The following GOLM2 variants were observed in gnomAD, a reference collection of about 807,000 sequenced individuals.
The protein encoded by GOLM2 is golgi membrane protein 2, also known as protein GOLM2.
In GOLM2, 26 loss-of-function variants were observed where a neutral mutation model predicts 55.9. The observed-to-expected ratio is 0.47, with a 90% confidence interval of 0.34 to 0.65. The LOEUF (loss-of-function observed/expected upper bound fraction) is 0.65. GOLM2 is among the 30% of genes least tolerant of loss of function. The pLI is 0.01. For synonymous variants in GOLM2, 165 were observed against 194.6 expected, an observed-to-expected ratio of 0.85 and a Z score of 1.27; for missense variants, 486 against 531.8, an observed-to-expected ratio of 0.91 and a Z score of 0.85.
chr15:44,288,864 G>A lies in GOLM2; in HGVS notation c.-166G>A. ...AGGAGGGGGGCGGGGAGGGACCTGC[G>A]GCTTGCGGCCCCGCCCCCTTCTCCG... On this transcript the variant is annotated 5_prime_UTR_variant, in exon 1 of 10. Coordinates refer to ENST00000299957, the MANE Select transcript of GOLM2 (RefSeq NM_138423.4). 1.6e-6 allele frequency: 1 copy of A among 626,384 alleles called. No homozygotes were observed. The highest frequency in any genetic ancestry group is 2.0e-5 in the South Asian group (1 of 50,204). The allele number at this position is 626,384 out of a possible 1,614,324, so 38.8% of individuals were successfully genotyped here.
rs537446393 is a variant in GOLM2 at position 44,413,302 on chromosome 15, A to T, written c.1241-34A>T. On this transcript the variant is annotated intron_variant, in intron 9 of 9. Transcript: ENST00000299957. ...TTGGATTTCTGCAGTGATTTAAAAAATAATATGTTGATACAAAATTATTTT... is the reference window on the plus strand; with the variant it reads ...TTGGATTTCTGCAGTGATTTAAAAATTAATATGTTGATACAAAATTATTTT... 102 of 1,514,456 alleles carry T rather than the reference A, an allele frequency of 6.7e-5. 1 individual carries two copies. The highest frequency in any genetic ancestry group is 6.3e-4 in the South Asian group (55 of 87,084). 93.8% of individuals were successfully genotyped at this position (1,514,456 alleles called of 1,614,324 possible).
chr15:44,314,230 C>T (rs970929522), intron 1 of GOLM2, among the ~76,000 whole-genome samples: 3 of 149,066 alleles, frequency 2.0e-5, no homozygotes, highest in Non-Finnish European at 4.4e-5. Context: ...GAGCAAAACT[C>T]CGTCTCAAAA....
At chr15:44,396,581 G>C (rs1451461649) in intron 8 of GOLM2, among the ~76,000 whole-genome samples, 1 of 152,084 alleles carries the variant, frequency 6.6e-6, no homozygotes, top group Admixed American at 6.6e-5. Flanking sequence ...AGTTTCTGAA[G>C]TTTGTAGTCT....
chr15:44,338,413 A>G (rs1344061391), intron 6 of GOLM2, 96 bp downstream of exon 6: 5 of 855,680 alleles, frequency 5.8e-6, no homozygotes, highest in Admixed American at 2.6e-5. Flanking sequence ...AAAGTCACAG[A>G]TATCTGGATG....
At chr15:44,337,290 G>A (rs2079063941) in intron 4 of GOLM2, among the ~76,000 whole-genome samples, 1 of 152,046 alleles carries the variant, frequency 6.6e-6, no homozygotes, top group South Asian at 2.1e-4. Context: ...TCGGTGGCCA[G>A]CACACTTAGG....
chr15:44,367,111 A>G (rs771204085), intron 6 of GOLM2, among the ~76,000 whole-genome samples: 3 of 152,070 alleles, frequency 2.0e-5, no homozygotes, highest in Non-Finnish European at 4.4e-5. Context: ...TTACTGAAAC[A>G]TAGACATACT....
At chr15:44,387,912 A>G (rs2079458355) in intron 8 of GOLM2, among the ~76,000 whole-genome samples, 4 of 152,126 alleles carry the variant, frequency 2.6e-5, no homozygotes, top group African/African-American at 7.2e-5. Context: ...TCTCTTATAG[A>G]AGATCATTTC....
chr15:44,399,377 T>A (rs1322935604), intron 8 of GOLM2, among the ~76,000 whole-genome samples: 1 of 152,234 alleles, frequency 6.6e-6, no homozygotes, highest in Non-Finnish European at 1.5e-5. Flanking sequence ...TATAAATATT[T>A]CTCCAAACGT....
At chr15:44,301,237 T>C (rs2078795420) in intron 1 of GOLM2, among the ~76,000 whole-genome samples, 1 of 152,140 alleles carries the variant, frequency 6.6e-6, no homozygotes. Context: ...TGAGCCACCA[T>C]GCCTGGCTAC....
intron 1 of GOLM2, among the ~76,000 whole-genome samples, chr15:44,297,596 C>G (rs1477492850): frequency 6.7e-6 from 1 of 149,542 alleles, no homozygotes; most frequent in East Asian, 1.9e-4. Flanking sequence ...GAGTCTTGCT[C>G]TGTCGCCCAG....
chr15:44,386,705 TA>T (rs1043928160), intron 8 of GOLM2, among the ~76,000 whole-genome samples: 3 of 151,616 alleles, frequency 2.0e-5, no homozygotes, highest in Non-Finnish European at 4.4e-5. Flanking sequence ...ACCCTATCTC[TA>T]AAAAAAATTT....
At chr15:44,351,765 C>T (rs1367276912) in intron 6 of GOLM2, among the ~76,000 whole-genome samples, 1 of 151,920 alleles carries the variant, frequency 6.6e-6, no homozygotes, top group African/African-American at 2.4e-5. Context: ...AAATCAGTAG[C>T]ATTTCTATAT....
At chr15:44,360,334 C>T (rs1158024125) in intron 6 of GOLM2, among the ~76,000 whole-genome samples, 1 of 152,044 alleles carries the variant, frequency 6.6e-6, no homozygotes, top group Non-Finnish European at 1.5e-5. Flanking sequence ...CACACATAGG[C>T]TCAAAATAGA....
chr15:44,328,904 G>C (rs2079003005), intron 3 of GOLM2, 117 bp downstream of exon 3: 3 of 602,436 alleles, frequency 5.0e-6, no homozygotes, highest in Non-Finnish European at 8.1e-6. Context: ...CTTTCATTTT[G>C]TTAAGCCTTT....
intron 9 of GOLM2, among the ~76,000 whole-genome samples, chr15:44,408,653 T>C (rs2079613460): frequency 1.3e-5 from 2 of 152,224 alleles, no homozygotes; most frequent in African/African-American, 4.8e-5. Context: ...TTTGCTCTTA[T>C]CCTGATTTCG....
At chr15:44,354,542 T>C (rs1361336414) in intron 6 of GOLM2, 2 of 151,998 alleles carry the variant, frequency 1.3e-5, no homozygotes, top group African/African-American at 4.8e-5. Flanking sequence ...TTAAAAAATA[T>C]TAATCACATA....
rs534469543 is a variant in GOLM2 at position 44,293,164 on chromosome 15, A to G, written c.327+3808A>G. Among the ~76,000 whole-genome samples, 4 of 152,304 alleles carry G rather than the reference A, an allele frequency of 2.6e-5. No homozygotes were observed. In the South Asian group the frequency reaches 8.3e-4, roughly 32 times the overall value. On this transcript the variant is annotated intron_variant, in intron 1 of 9. Transcript: ENST00000299957. ...GAAAATTAGATCTGGAAAACTAAAC[A>G]AGTGATCCTCCTGCCTTGGCCTTCT...
chr15:44,392,185 T>C (rs1266712169), intron 8 of GOLM2, among the ~76,000 whole-genome samples: 1 of 151,772 alleles, frequency 6.6e-6, no homozygotes, highest in East Asian at 1.9e-4. Flanking sequence ...ATACAACCAA[T>C]GTAACATAAA....
intron 1 of GOLM2, among the ~76,000 whole-genome samples, chr15:44,299,596 C>A (rs916755745): frequency 6.6e-6 from 1 of 152,040 alleles, no homozygotes; most frequent in African/African-American, 2.4e-5. Flanking sequence ...TACTGTGTGG[C>A]AGTATGGTTC....
Sources: allele counts gnomAD v4.1 joint callset (sites outside exome capture counted in the v4.1 genomes callset), GRCh38; gene constraint gnomAD v4.1.1; transcripts MANE v1.5; gene names NCBI Gene and HGNC (gene_info 2026-07-23, HGNC 2026-07-21).